The following ARID5B variants were observed in gnomAD, a reference collection of about 807,000 sequenced individuals.
ARID5B encodes the protein AT-rich interactive domain-containing protein 5B.
In ARID5B, 13 loss-of-function variants were observed where a neutral mutation model predicts 97.2. That is an observed-to-expected ratio of 0.13 (90% CI 0.09 to 0.21). ARID5B has a LOEUF of 0.21. Ranked by LOEUF, ARID5B falls within the 10% of genes least tolerant of loss-of-function variation. The pLI is 1.00. For synonymous variants in ARID5B, 556 were observed against 570.3 expected (o/e 0.97, Z 0.36); for missense variants, 1,210 against 1,465.3 (o/e 0.83, Z 2.84).
At chr10:62,082,789 G>A (rs1293350111) in intron 8 of ARID5B, among the ~76,000 whole-genome samples, 1 of 152,082 alleles carries the variant, frequency 6.6e-6, no homozygotes, top group Non-Finnish European at 1.5e-5. Context: ...ATCCTGTGGG[G>A]TAATTGTGTT....
chr10:62,016,866 C>G (rs1413012784), intron 4 of ARID5B, among the ~76,000 whole-genome samples: 1 of 152,114 alleles, frequency 6.6e-6, no homozygotes, highest in Non-Finnish European at 1.5e-5. Flanking sequence ...CATATTTGAA[C>G]AGTATGCCTG....
At chr10:62,059,873 A>G (rs1839900818) in intron 7 of ARID5B, among the ~76,000 whole-genome samples, 1 of 152,212 alleles carries the variant, frequency 6.6e-6, no homozygotes, top group Non-Finnish European at 1.5e-5. Flanking sequence ...AGCCCACAGG[A>G]AAATTTGATG....
chr10:62,062,871 G>T (rs1220621722), intron 7 of ARID5B, among the ~76,000 whole-genome samples: 1 of 150,336 alleles, frequency 6.7e-6, no homozygotes, highest in African/African-American at 2.4e-5. Context: ...ACTGGGAGAT[G>T]AAATGAGTTG....
chr10:62,056,599 G>C (rs908826283), intron 5 of ARID5B, among the ~76,000 whole-genome samples: 6 of 152,188 alleles, frequency 3.9e-5, no homozygotes, highest in African/African-American at 1.2e-4. Flanking sequence ...AAGGAGGCAG[G>C]GTTTGTTCAA....
chr10:62,040,414 G>A (rs1839621907), intron 4 of ARID5B, among the ~76,000 whole-genome samples: 1 of 152,052 alleles, frequency 6.6e-6, no homozygotes, highest in African/African-American at 2.4e-5. Context: ...CTCCATAACA[G>A]TGAATAAAAT....
At chr10:61,947,261 CTT>C (rs199587188) in intron 3 of ARID5B, among the ~76,000 whole-genome samples, 2 of 124,306 alleles carry the variant, frequency 1.6e-5, no homozygotes, top group Non-Finnish European at 3.4e-5. Flanking sequence ...CACTTACTTT[CTT>C]TTTTTTTTTT....
intron 2 of ARID5B, among the ~76,000 whole-genome samples, chr10:61,915,909 C>T (rs1376477137): frequency 6.6e-6 from 1 of 152,164 alleles, no homozygotes; most frequent in East Asian, 1.9e-4. Context: ...GTGCCCACCA[C>T]CATGCCTGGC....
chr10:61,964,872 G>A (rs563294246), intron 3 of ARID5B, among the ~76,000 whole-genome samples: 2 of 152,120 alleles, frequency 1.3e-5, no homozygotes, highest in African/African-American at 4.8e-5. Flanking sequence ...TTAATTGTAC[G>A]TGTGAATTCG....
At chr10:61,913,410 G>C (rs965350115) in intron 2 of ARID5B, among the ~76,000 whole-genome samples, 6 of 152,196 alleles carry the variant, frequency 3.9e-5, no homozygotes, top group Non-Finnish European at 7.3e-5. Context: ...AGATAAAAGA[G>C]ACTGAGAAGA....
chr10:62,006,258 G>A (rs1365068179), intron 4 of ARID5B, among the ~76,000 whole-genome samples: 1 of 152,068 alleles, frequency 6.6e-6, no homozygotes, highest in Non-Finnish European at 1.5e-5. Flanking sequence ...CCTGGCCAAT[G>A]TGGTGAAACC....
At chr10:62,034,926 C>T (rs965720730) in intron 4 of ARID5B, among the ~76,000 whole-genome samples, 2 of 152,186 alleles carry the variant, frequency 1.3e-5, no homozygotes, top group Non-Finnish European at 2.9e-5. Flanking sequence ...AATTTTTTCT[C>T]CTAGGTGTTG....
At chr10:62,061,212 TGCC>T (rs1839917255) in intron 7 of ARID5B, among the ~76,000 whole-genome samples, 1 of 152,160 alleles carries the variant, frequency 6.6e-6, no homozygotes, top group Non-Finnish European at 1.5e-5. Context: ...AAAAGGTCAG[TGCC>T]CTACACAGGT....
intron 3 of ARID5B, among the ~76,000 whole-genome samples, chr10:61,997,010 A>G (rs1264686965): frequency 6.6e-6 from 1 of 151,992 alleles, no homozygotes; most frequent in African/African-American, 2.4e-5. Flanking sequence ...GCTATTTGGG[A>G]TGCTTGTTGA....
At chr10:61,943,683 G>T (rs1321873291) in intron 3 of ARID5B, among the ~76,000 whole-genome samples, 1 of 151,896 alleles carries the variant, frequency 6.6e-6, no homozygotes, top group African/African-American at 2.4e-5. Context: ...TTAGTGTTTA[G>T]GTAGAATAAG....
chr10:61,928,587 C>G (rs577218714), intron 2 of ARID5B, among the ~76,000 whole-genome samples: 55 of 152,282 alleles, frequency 3.6e-4, no homozygotes, highest in Admixed American at 1.6e-3. Context: ...GCCACCGTAC[C>G]TGCCCCCCAA....
At chr10:61,937,775 T>C (rs1041703434) in intron 2 of ARID5B, among the ~76,000 whole-genome samples, 1 of 152,260 alleles carries the variant, frequency 6.6e-6, no homozygotes, top group South Asian at 2.1e-4. Context: ...TTGCTCAGAA[T>C]AGTAAATGCG....
rs115404515 is a variant in ARID5B at position 62,026,322 on chromosome 10, G to A, written c.734-24566G>A. Among the ~76,000 whole-genome samples, 644 of 152,322 alleles carry A rather than the reference G, an allele frequency of 4.2e-3. 5 individuals are homozygous for A. The highest frequency in any genetic ancestry group is 0.015 in the African/African-American group (606 of 41,572). On this transcript the variant is annotated intron_variant, in intron 4 of 9. Transcript: ENST00000279873. ...AGCAGATATGTGTGGTGTGGGCAAT[G>A]AGTGTGCTCATTTATTTATGTGTCC...
Position 61,940,196 on chromosome 10 carries a change from C to T in ARID5B, c.290C>T (p.Ala97Val). ...NSDHGEDEVI[A>V]VSEKVIVKLE... ...CACCTCTTGTAGGATGAAGTCATTG[C>T]TGTTTCCGAAAAGGTGATTGTGAAG... is the stretch of plus-strand genomic sequence containing the variant. Residue 97 changes from alanine (A) to valine (V), a missense_variant, in exon 3 of 10, where the codon GCT (alanine) becomes GTT (valine). Transcript: ENST00000279873. 1 of 1,614,084 alleles carries T rather than the reference C, an allele frequency of 6.2e-7. No individual in the cohort carries two copies. The highest frequency in any genetic ancestry group is 8.5e-7 in the Non-Finnish European group (1 of 1,179,966).
Position 62,091,830 on chromosome 10 carries a change from C to CA in ARID5B, c.2369dup (p.His791AlafsTer4). Reference sequence around the variant, plus strand: ...CAGATCCCCACCGCTGCAGCTTCTCCAAGCATCACCTTAACCCCCTTGCTG... The same window carrying CA: ...CAGATCCCCACCGCTGCAGCTTCTCCAAAGCATCACCTTAACCCCCTTGCTG... On this transcript the variant is annotated frameshift_variant, in exon 10 of 10. Transcript: ENST00000279873. LOFTEE classifies it high-confidence loss of function. 1 of 1,614,102 alleles carries CA rather than the reference C, an allele frequency of 6.2e-7. No homozygotes were observed. Among genetic ancestry groups the CA allele is most frequent in the Non-Finnish European group, 8.5e-7 (1 of 1,179,990 alleles).
Sources: allele counts gnomAD v4.1 joint callset (sites outside exome capture counted in the v4.1 genomes callset), GRCh38; gene constraint gnomAD v4.1.1; transcripts MANE v1.5; gene names NCBI Gene and HGNC (gene_info 2026-07-23, HGNC 2026-07-21).